PDSS2: variants seen among roughly 807,000 people sequenced by gnomAD.
The protein encoded by PDSS2 is all trans-polyprenyl-diphosphate synthase PDSS2.
In PDSS2, 31 loss-of-function variants were observed where a neutral mutation model predicts 44.5. That is an observed-to-expected ratio of 0.70 (90% confidence interval 0.52 to 0.94). The LOEUF is 0.94. Ranked by LOEUF, PDSS2 falls within the 40% of genes least tolerant of loss-of-function variation. The probability of loss-of-function intolerance (pLI) is 0.00; values close to 1 mark genes in which losing one functional copy is unlikely to be tolerated. For synonymous variants in PDSS2, 157 were observed against 180.3 expected, an observed-to-expected ratio of 0.87 and a Z score of 1.03; for missense variants, 452 against 482.2, an observed-to-expected ratio of 0.94 and a Z score of 0.59.
At chr6:107,407,204 C>T (rs1780348542) in intron 1 of PDSS2, among the ~76,000 whole-genome samples, 1 of 152,114 alleles carries the variant, frequency 6.6e-6, no homozygotes, top group South Asian at 2.1e-4. Context: ...AAATAAAGAA[C>T]AAACATTGTA....
chr6:107,320,300 TTATA>T (rs753481110), intron 2 of PDSS2, among the ~76,000 whole-genome samples: 7,200 of 152,224 alleles, frequency 0.047, 267 homozygotes, highest in Middle Eastern at 0.11. Context: ...ATGTAAGTAA[TTATA>T]ATAGAGTAAT....
At chr6:107,173,584 A>AAAAC (rs1771679612) in intron 7 of PDSS2, among the ~76,000 whole-genome samples, 5 of 148,564 alleles carry the variant, frequency 3.4e-5, no homozygotes, top group South Asian at 2.1e-4. Flanking sequence ...AAAAAAAAAA[A>AAAAC]AAAAAAAAAA....
At chr6:107,326,374 T>C (rs1040156943) in intron 2 of PDSS2, among the ~76,000 whole-genome samples, 1 of 151,796 alleles carries the variant, frequency 6.6e-6, no homozygotes, top group Non-Finnish European at 1.5e-5. Context: ...CCTCCCAAAG[T>C]ATTGGGATTA....
At chr6:107,275,265 T>G (rs1293903566) in intron 2 of PDSS2, among the ~76,000 whole-genome samples, 1 of 152,178 alleles carries the variant, frequency 6.6e-6, no homozygotes, top group Non-Finnish European at 1.5e-5. Context: ...AGGTAATTAC[T>G]AAAAATTTAA....
chr6:107,285,293 A>C (rs1357567410), intron 2 of PDSS2, among the ~76,000 whole-genome samples: 1 of 152,194 alleles, frequency 6.6e-6, no homozygotes, highest in Non-Finnish European at 1.5e-5. Flanking sequence ...TTGGAAAAAA[A>C]ATAAGAGGGC....
chr6:107,196,114 T>C (rs1772554953), intron 6 of PDSS2, among the ~76,000 whole-genome samples: 2 of 152,298 alleles, frequency 1.3e-5, no homozygotes, highest in South Asian at 4.1e-4. Flanking sequence ...GGAATATGAG[T>C]GAGTTCTTAA....
chr6:107,275,325 A>G (rs995661467), intron 2 of PDSS2, among the ~76,000 whole-genome samples: 4 of 152,174 alleles, frequency 2.6e-5, no homozygotes, highest in Non-Finnish European at 4.4e-5. Context: ...TTAATAGGTG[A>G]AAAAATTGTG....
intron 7 of PDSS2, among the ~76,000 whole-genome samples, chr6:107,179,128 A>T (rs1347127186): frequency 6.6e-6 from 1 of 152,214 alleles, no homozygotes; most frequent in Non-Finnish European, 1.5e-5. Context: ...TGACAGCTGC[A>T]CACAAATCTT....
At chr6:107,389,211 A>C (rs1330735316) in intron 1 of PDSS2, among the ~76,000 whole-genome samples, 1 of 152,192 alleles carries the variant, frequency 6.6e-6, no homozygotes, top group African/African-American at 2.4e-5. Flanking sequence ...TAAAACATGA[A>C]CTTTCATGTA....
chr6:107,214,008 G>A (rs1337398441), intron 4 of PDSS2, among the ~76,000 whole-genome samples: 1 of 151,818 alleles, frequency 6.6e-6, no homozygotes, highest in Admixed American at 6.6e-5. Context: ...GTGGAAACAG[G>A]TAAAATTAAT....
At chr6:107,412,862 C>G (rs1239160473) in intron 1 of PDSS2, among the ~76,000 whole-genome samples, 1 of 152,122 alleles carries the variant, frequency 6.6e-6, no homozygotes, top group African/African-American at 2.4e-5. Flanking sequence ...ATCTAATGTT[C>G]TCTTTTTCCA....
intron 2 of PDSS2, among the ~76,000 whole-genome samples, chr6:107,306,530 C>T (rs1001227367): frequency 6.6e-6 from 1 of 152,168 alleles, no homozygotes; most frequent in African/African-American, 2.4e-5. Context: ...TGAAAACGGA[C>T]TAATACAGTA....
At chr6:107,409,623 C>T (rs1780428422) in intron 1 of PDSS2, among the ~76,000 whole-genome samples, 1 of 152,152 alleles carries the variant, frequency 6.6e-6, no homozygotes, top group Non-Finnish European at 1.5e-5. Flanking sequence ...TATTCACCAT[C>T]AATATAATCT....
At chr6:107,442,783 C>T (rs1781549304) in intron 1 of PDSS2, among the ~76,000 whole-genome samples, 2 of 152,210 alleles carry the variant, frequency 1.3e-5, no homozygotes, top group Non-Finnish European at 2.9e-5. Flanking sequence ...TCTGCAATTA[C>T]CAACCTCACT....
chr6:107,294,421 AT>A (rs986053698), intron 2 of PDSS2, among the ~76,000 whole-genome samples: 2 of 151,830 alleles, frequency 1.3e-5, no homozygotes, highest in Admixed American at 6.6e-5. Flanking sequence ...ATTAAAAAAA[AT>A]TTTTTTTAGA....
intron 6 of PDSS2, among the ~76,000 whole-genome samples, chr6:107,197,605 T>C (rs1249420592): frequency 1.3e-5 from 2 of 152,028 alleles, no homozygotes; most frequent in South Asian, 2.1e-4. Flanking sequence ...TGTTGGGTCA[T>C]AGAAGTGTCC....
At chr6:107,200,141 C>G (rs1021154635) in intron 6 of PDSS2, among the ~76,000 whole-genome samples, 7 of 152,274 alleles carry the variant, frequency 4.6e-5, no homozygotes, top group Admixed American at 6.5e-5. Context: ...AGACATACAC[C>G]TCAAAATTTC....
intron 1 of PDSS2, among the ~76,000 whole-genome samples, chr6:107,435,477 T>G (rs942366036): frequency 2.6e-5 from 4 of 152,158 alleles, no homozygotes; most frequent in African/African-American, 9.7e-5. Context: ...CAAAAATGCT[T>G]TTAGCAAAAG....
Position 107,274,107 on chromosome 6 carries a change from T to G in PDSS2, c.552A>C (p.Gly184=), listed in dbSNP as rs2302644. 4.9e-4 allele frequency: 793 copies of G among 1,613,718 alleles called. 11 individuals are homozygous for G. The East Asian group carries it at 0.017, about 34-fold the overall frequency. ...SDGPLKDMQF[G]NKIAILSGDF... ...CTCCACTCAGGATAGCAATTTTATT[T>G]CCAAATTGCATGTCTTTCAGTGGAC... The change falls in exon 3 of 8, where the codon GGA becomes GGC. Residue 184 remains glycine, a synonymous_variant. Transcript: ENST00000369037.
Sources: gnomAD v4.1 joint callset for allele counts (sites outside exome capture counted in the v4.1 genomes callset) on GRCh38, gnomAD v4.1.1 for gene constraint, MANE v1.5 for transcripts, NCBI Gene and HGNC (gene_info 2026-07-23, HGNC 2026-07-21) for gene names.